The following R3HDM2 variants were observed in gnomAD, a reference collection of about 807,000 sequenced individuals.
The protein encoded by R3HDM2 is R3H domain-containing protein 2.
In R3HDM2, 38 loss-of-function variants were observed where a neutral mutation model predicts 124.5. The ratio of observed to expected loss-of-function variants is 0.31; its 90% CI spans 0.24 to 0.40. R3HDM2 has a LOEUF of 0.40. Among genes scored for constraint, R3HDM2 ranks in the 10% least tolerant of loss-of-function variants. R3HDM2 has a pLI of 1.00. For missense variants in R3HDM2, 869 were observed against 1,236.9 expected, an observed-to-expected ratio of 0.70 and a Z score of 4.46; for synonymous variants, 391 against 448.0, an observed-to-expected ratio of 0.87 and a Z score of 1.61.
chr12:57,386,624 C>A (rs957342145), intron 2 of R3HDM2, among the ~76,000 whole-genome samples: 15 of 152,232 alleles, frequency 9.9e-5, no homozygotes, highest in African/African-American at 3.6e-4. Context: ...CGCCCAGTCC[C>A]ACGGACAGCC....
At chr12:57,270,037 C>A (rs2043238812) in intron 14 of R3HDM2, 43 bp from the exon 15 acceptor site, 1 of 1,606,382 alleles carries the variant, frequency 6.2e-7, no homozygotes, top group Non-Finnish European at 8.5e-7. Context: ...CTGTATCAAA[C>A]CTCATGTCTT....
At chr12:57,279,207 G>A (rs988730701) in intron 14 of R3HDM2, among the ~76,000 whole-genome samples, 1 of 143,572 alleles carries the variant, frequency 7.0e-6, no homozygotes, top group South Asian at 2.3e-4. Context: ...TTTTGAGACA[G>A]GGTCTTACTC....
At chr12:57,325,002 T>C (rs1386476907) in intron 2 of R3HDM2, among the ~76,000 whole-genome samples, 2 of 152,208 alleles carry the variant, frequency 1.3e-5, no homozygotes, top group African/African-American at 2.4e-5. Context: ...GGAAATATCA[T>C]GTGAAGACAG....
intron 2 of R3HDM2, among the ~76,000 whole-genome samples, chr12:57,317,026 C>T (rs1233902628): frequency 6.6e-6 from 1 of 151,634 alleles, no homozygotes; most frequent in Non-Finnish European, 1.5e-5. Flanking sequence ...GGATTACAGG[C>T]GTGAGACATC....
chr12:57,330,149 A>G (rs2057933141), intron 2 of R3HDM2, among the ~76,000 whole-genome samples: 1 of 151,918 alleles, frequency 6.6e-6, no homozygotes, highest in Non-Finnish European at 1.5e-5. Flanking sequence ...TATTTTTAGT[A>G]GAGACAGGGT....
At chr12:57,280,554 A>G (rs1266423209) in intron 13 of R3HDM2, 24 bp from the exon 14 acceptor site, 4 of 1,571,530 alleles carry the variant, frequency 2.5e-6, no homozygotes, top group Non-Finnish European at 2.6e-6. Flanking sequence ...GAAACCCACA[A>G]AAAGTTGTAA....
intron 2 of R3HDM2, among the ~76,000 whole-genome samples, chr12:57,345,682 A>G (rs931529197): frequency 3.3e-5 from 5 of 152,166 alleles, no homozygotes; most frequent in Admixed American, 3.3e-4. Flanking sequence ...CTGGGACTAC[A>G]GGCATGTGCC....
intron 11 of R3HDM2, among the ~76,000 whole-genome samples, chr12:57,290,549 A>G (rs2048362844): frequency 6.6e-6 from 1 of 152,246 alleles, no homozygotes; most frequent in Non-Finnish European, 1.5e-5. Context: ...GAGTTCATCT[A>G]TATCAAGTAC....
At chr12:57,426,345 C>T (rs1486545721) in intron 1 of R3HDM2, among the ~76,000 whole-genome samples, 17 of 152,126 alleles carry the variant, frequency 1.1e-4, no homozygotes, top group Admixed American at 7.2e-4. Context: ...GCTAAAAATG[C>T]CCCCCAAAAT....
chr12:57,266,669 A>G lies in R3HDM2; in HGVS notation c.2131+62T>C, dbSNP rs530141068. ...TTTGCCCTTCCCAGCTCTAGAGCACAGGCCCTTCAGCAATGTTTGCTCTTG... is the reference window on the plus strand; with the variant it reads ...TTTGCCCTTCCCAGCTCTAGAGCACGGGCCCTTCAGCAATGTTTGCTCTTG... On this transcript the variant is annotated intron_variant, in intron 19 of 23. Transcript: ENST00000402412. 10 of 1,330,542 alleles carry G rather than the reference A, an allele frequency of 7.5e-6. No individual in the cohort carries two copies. In the African/African-American group the frequency reaches 8.7e-5, roughly 12 times the overall value. The allele number at this position is 1,330,542 out of a possible 1,614,324, so 82.4% of individuals were successfully genotyped here.
At chr12:57,418,691 T>C (rs1222353239) in intron 1 of R3HDM2, among the ~76,000 whole-genome samples, 2 of 152,088 alleles carry the variant, frequency 1.3e-5, no homozygotes, top group African/African-American at 4.8e-5. Context: ...CCCCAGTAGC[T>C]GGGATTACAG....
chr12:57,298,745 T>C (rs2050441792), intron 6 of R3HDM2, among the ~76,000 whole-genome samples: 4 of 150,636 alleles, frequency 2.7e-5, no homozygotes, highest in African/African-American at 7.3e-5. Flanking sequence ...GTAGATCACC[T>C]GAGGTTAGAA....
At chr12:57,359,638 C>A (rs946583346) in intron 2 of R3HDM2, among the ~76,000 whole-genome samples, 1 of 152,104 alleles carries the variant, frequency 6.6e-6, no homozygotes, top group African/African-American at 2.4e-5. Context: ...TAGATGCAAT[C>A]TGATAATTTT....
In R3HDM2 at chr12:57,360,032, T is replaced by TATATATAC. The variant is rs1566328250; in HGVS notation, c.-36+35716_-36+35717insGTATATAT. ...ATATATATATATATATACACACATATATATATATATATATATTTTTTTTTT... is the reference window on the plus strand; with the variant it reads ...ATATATATATATATATACACACATATATATATACATATATATATATATATTTTTTTTTT... On this transcript the variant is annotated intron_variant, in intron 2 of 23. Transcript: ENST00000402412. Among the ~76,000 whole-genome samples, 13 of 72,906 alleles carry TATATATAC rather than the reference T, an allele frequency of 1.8e-4. No homozygotes were observed. The East Asian group carries it at 4.0e-3, about 23-fold the overall frequency. 47.8% of individuals were successfully genotyped at this position (72,906 alleles called of 152,430 possible). A position where few individuals can be genotyped will look rare whatever the true frequency, so the allele number is the denominator to read the frequency against.
At chr12:57,334,650 A>T (rs539566722) in intron 2 of R3HDM2, among the ~76,000 whole-genome samples, 1 of 152,044 alleles carries the variant, frequency 6.6e-6, no homozygotes, top group South Asian at 2.1e-4. Context: ...GATCCCAAAA[A>T]CCCTGGAGAT....
intron 2 of R3HDM2, among the ~76,000 whole-genome samples, chr12:57,385,282 G>A (rs1404362724): frequency 2.1e-5 from 3 of 145,174 alleles, no homozygotes; most frequent in Admixed American, 1.4e-4. Flanking sequence ...TCACTCTGTC[G>A]CCCAGGCTGG....
intron 2 of R3HDM2, among the ~76,000 whole-genome samples, chr12:57,310,909 A>G (rs1354415529): frequency 6.6e-6 from 1 of 152,166 alleles, no homozygotes; most frequent in Non-Finnish European, 1.5e-5. Flanking sequence ...TTTACTCAGC[A>G]TAATTATTTT....
At chr12:57,417,173 G>A (rs1369659434) in intron 1 of R3HDM2, among the ~76,000 whole-genome samples, 1 of 151,438 alleles carries the variant, frequency 6.6e-6, no homozygotes, top group East Asian at 1.9e-4. Context: ...GGAGGCCAAG[G>A]TGGGTGGATC....
chr12:57,360,910 G>A (rs939337615), intron 2 of R3HDM2, among the ~76,000 whole-genome samples: 32 of 151,916 alleles, frequency 2.1e-4, no homozygotes, highest in African/African-American at 7.5e-4. Context: ...AAATTAACCA[G>A]CCGTGGTGGG....
Sources: gnomAD v4.1 joint callset for allele counts (sites outside exome capture counted in the v4.1 genomes callset) on GRCh38, gnomAD v4.1.1 for gene constraint, MANE v1.5 for transcripts, NCBI Gene and HGNC (gene_info 2026-07-23, HGNC 2026-07-21) for gene names.